Variants in DLGAP1 observed in about 807,000 individuals in gnomAD.
DLGAP1 encodes disks large-associated protein 1.
DLGAP1 carries 11 observed loss-of-function variants against 90.8 expected under a neutral mutation model. That is an observed-to-expected ratio of 0.12 (90% CI 0.08 to 0.20). DLGAP1 has a LOEUF of 0.20. Ranked by LOEUF, DLGAP1 falls within the 10% of genes least tolerant of loss-of-function variation. The pLI is 1.00. For synonymous variants in DLGAP1, 558 were observed against 540.7 expected, an observed-to-expected ratio of 1.03 and a Z score of -0.44; for missense variants, 1,050 against 1,333.8, an observed-to-expected ratio of 0.79 and a Z score of 3.31.
At chr18:3,958,460 C>CAAAA (rs71160925) in intron 3 of DLGAP1, among the ~76,000 whole-genome samples, 4 of 97,180 alleles carry the variant, frequency 4.1e-5, no homozygotes, top group African/African-American at 7.9e-5. Context: ...TTAGGATAAG[C>CAAAA]AAAAAAAAAA....
At chr18:4,028,585 A>G (rs2074742255) in intron 2 of DLGAP1, among the ~76,000 whole-genome samples, 1 of 152,260 alleles carries the variant, frequency 6.6e-6, no homozygotes, top group South Asian at 2.1e-4. Flanking sequence ...TTATTCCATA[A>G]ATATATATAA....
At chr18:4,223,705 T>C (rs769502110) in intron 1 of DLGAP1, among the ~76,000 whole-genome samples, 1 of 152,192 alleles carries the variant, frequency 6.6e-6, no homozygotes, top group Admixed American at 6.6e-5. Context: ...TATTTCCTTG[T>C]CAGAAATGCA....
intron 7 of DLGAP1, among the ~76,000 whole-genome samples, chr18:3,688,614 GACACAC>G (rs60415611): frequency 0.12 from 12,275 of 100,428 alleles, 771 homozygotes; most frequent in Non-Finnish European, 0.15. Flanking sequence ...ATTAAAAAAA[GACACAC>G]ACACACACAC....
At chr18:3,633,511 TG>T (rs1317004292) in intron 7 of DLGAP1, among the ~76,000 whole-genome samples, 4 of 150,736 alleles carry the variant, frequency 2.7e-5, no homozygotes, top group African/African-American at 9.8e-5. Flanking sequence ...GAGTGGAAGG[TG>T]GGGATTTCTG....
intron 7 of DLGAP1, among the ~76,000 whole-genome samples, chr18:3,629,185 A>T (rs906099449): frequency 3.9e-5 from 6 of 152,116 alleles, no homozygotes; most frequent in African/African-American, 1.4e-4. Flanking sequence ...CAATCCCAGC[A>T]CTTTGGGAGG....
intron 1 of DLGAP1, among the ~76,000 whole-genome samples, chr18:4,185,295 G>A (rs189754236): frequency 7.3e-5 from 11 of 151,656 alleles, no homozygotes; most frequent in Non-Finnish European, 1.3e-4. Context: ...TCAGGTTCAG[G>A]GGTCCACGTG....
chr18:3,774,811 G>A (rs1483781871), intron 5 of DLGAP1: 2 of 152,204 alleles, frequency 1.3e-5, no homozygotes, highest in Non-Finnish European at 2.9e-5. Context: ...CCCAGTCCCA[G>A]TCTCTCATCC....
intron 1 of DLGAP1, among the ~76,000 whole-genome samples, chr18:4,269,578 T>G (rs1462742340): frequency 1.3e-5 from 2 of 151,904 alleles, no homozygotes; most frequent in Non-Finnish European, 2.9e-5. Context: ...ATGGTCTCGA[T>G]CTCCTGACCT....
intron 2 of DLGAP1, among the ~76,000 whole-genome samples, chr18:4,041,383 G>A (rs1206970064): frequency 1.3e-5 from 2 of 152,096 alleles, no homozygotes; most frequent in African/African-American, 4.8e-5. Context: ...CAGTTACAGA[G>A]GTCAGATTGT....
intron 3 of DLGAP1, among the ~76,000 whole-genome samples, chr18:3,944,225 C>T (rs1159269991): frequency 6.6e-6 from 1 of 152,188 alleles, no homozygotes; most frequent in Non-Finnish European, 1.5e-5. Flanking sequence ...GGGCTGGATG[C>T]GCTGGCTCAC....
At chr18:4,452,319 G>A (rs1792377367) in intron 1 of DLGAP1, among the ~76,000 whole-genome samples, 1 of 152,130 alleles carries the variant, frequency 6.6e-6, no homozygotes, top group East Asian at 1.9e-4. Context: ...TGAATTCTTT[G>A]TTTCTGAAAG....
chr18:3,761,722 T>C (rs959185083), intron 5 of DLGAP1, among the ~76,000 whole-genome samples: 2 of 152,120 alleles, frequency 1.3e-5, no homozygotes, highest in South Asian at 2.1e-4. Flanking sequence ...AATATAGGCA[T>C]GTGCCACCAC....
chr18:4,339,668 T>C (rs2081147187), intron 1 of DLGAP1, among the ~76,000 whole-genome samples: 1 of 152,150 alleles, frequency 6.6e-6, no homozygotes, highest in Non-Finnish European at 1.5e-5. Flanking sequence ...TATTATTCCT[T>C]ACTTAAAATT....
At chr18:4,320,265 A>ACTCCCTTATGGTC (rs1345988715) in intron 1 of DLGAP1, among the ~76,000 whole-genome samples, 2 of 152,204 alleles carry the variant, frequency 1.3e-5, no homozygotes, top group Non-Finnish European at 2.9e-5. Context: ...AGTGACCATA[A>ACTCCCTTATGGTC]CAACTCCAAA....
intron 7 of DLGAP1, chr18:3,607,939 A>G (rs1027307810): frequency 6.6e-6 from 1 of 152,224 alleles, no homozygotes; most frequent in Non-Finnish European, 1.5e-5. Context: ...AAAGCCACCC[A>G]AGTCAGGGAC....
chr18:4,239,604 C>G (rs879729504), intron 1 of DLGAP1, among the ~76,000 whole-genome samples: 1 of 152,072 alleles, frequency 6.6e-6, no homozygotes, highest in Non-Finnish European at 1.5e-5. Context: ...AAAATTAGCC[C>G]ACATTCATGT....
At chr18:3,613,553 G>T (rs1000051563) in intron 7 of DLGAP1, among the ~76,000 whole-genome samples, 2 of 152,050 alleles carry the variant, frequency 1.3e-5, no homozygotes, top group African/African-American at 4.8e-5. Flanking sequence ...TGCCCAGGCT[G>T]GTCTCGAACT....
rs2050542325 is a variant in DLGAP1 at position 3,511,493 on chromosome 18, AAAG to A, written c.2480-2835_2480-2833del. Reference sequence around the variant, plus strand: ...TTGATAAAGAAATGAAATGAAGAAGAAAGAAGCATCTCGATGTTGTTTTGAAAC... The same window carrying A: ...TTGATAAAGAAATGAAATGAAGAAGAAAGCATCTCGATGTTGTTTTGAAAC... On this transcript the variant is annotated intron_variant, in intron 10 of 12. Transcript: ENST00000315677. Among the ~76,000 whole-genome samples the A allele has an allele frequency of 3.3e-5, 5 of 152,310 alleles. No homozygotes were observed. In the South Asian group the frequency reaches 8.3e-4, roughly 25 times the overall value.
intron 10 of DLGAP1, among the ~76,000 whole-genome samples, chr18:3,511,541 C>T (rs529251826): frequency 2.0e-5 from 3 of 151,138 alleles, no homozygotes; most frequent in African/African-American, 7.3e-5. Context: ...ATGTTCAATA[C>T]CAACCTTCAC....
Sources: allele counts gnomAD v4.1 joint callset (sites outside exome capture counted in the v4.1 genomes callset), GRCh38; gene constraint gnomAD v4.1.1; transcripts MANE v1.5; gene names NCBI Gene and HGNC (gene_info 2026-07-23, HGNC 2026-07-21).